ASTN2: variants seen among roughly 807,000 people sequenced by gnomAD.
ASTN2 encodes the protein astrotactin 2.
A neutral mutation model predicts 139.8 loss-of-function variants in ASTN2; 54 were observed. The ratio of observed to expected loss-of-function variants is 0.39; its 90% CI spans 0.31 to 0.48. ASTN2 has a LOEUF of 0.48. ASTN2 is among the 20% of genes least tolerant of loss of function. The probability of loss-of-function intolerance (pLI) is 0.95; values close to 1 mark genes in which losing one functional copy is unlikely to be tolerated. For missense variants in ASTN2, 1,565 were observed against 1,725.1 expected, an observed-to-expected ratio of 0.91 and a Z score of 1.64; for synonymous variants, 756 against 719.5, an observed-to-expected ratio of 1.05 and a Z score of -0.81.
chr9:116,481,161 G>T (rs535343644), intron 20 of ASTN2, among the ~76,000 whole-genome samples: 1 of 152,256 alleles, frequency 6.6e-6, no homozygotes, highest in South Asian at 2.1e-4. Context: ...GCTGAGGCAG[G>T]TAAATGGCTT....
chr9:116,506,667 G>A (rs1203071355), intron 19 of ASTN2, among the ~76,000 whole-genome samples: 2 of 152,156 alleles, frequency 1.3e-5, no homozygotes, highest in Non-Finnish European at 2.9e-5. Context: ...GGGGATTGCT[G>A]TAGCCATCTC....
chr9:116,750,047 A>C (rs1829355409), intron 13 of ASTN2, among the ~76,000 whole-genome samples: 1 of 152,184 alleles, frequency 6.6e-6, no homozygotes, highest in Admixed American at 6.5e-5. Context: ...AGTCTAACAC[A>C]CTAACTGTGT....
At chr9:117,290,791 A>G (rs1377300328) in intron 2 of ASTN2, among the ~76,000 whole-genome samples, 1 of 152,198 alleles carries the variant, frequency 6.6e-6, no homozygotes, top group Non-Finnish European at 1.5e-5. Flanking sequence ...CACAGTATTC[A>G]CAACTATAAA....
chr9:116,768,140 C>G (rs144787639), intron 13 of ASTN2, among the ~76,000 whole-genome samples: 1 of 152,206 alleles, frequency 6.6e-6, no homozygotes, highest in Non-Finnish European at 1.5e-5. Context: ...ATCCAATGCT[C>G]TCTCTCCACT....
At chr9:116,882,751 C>T (rs1294160724) in intron 10 of ASTN2, among the ~76,000 whole-genome samples, 1 of 151,902 alleles carries the variant, frequency 6.6e-6, no homozygotes, top group Non-Finnish European at 1.5e-5. Flanking sequence ...TGCTTAAGCC[C>T]AGGAGTTCAA....
chr9:117,336,503 T>C (rs887185642), intron 1 of ASTN2, among the ~76,000 whole-genome samples: 1 of 152,120 alleles, frequency 6.6e-6, no homozygotes, highest in Admixed American at 6.6e-5. Context: ...CCATCTCCTA[T>C]CTGCAGGAGG....
intron 13 of ASTN2, among the ~76,000 whole-genome samples, chr9:116,787,636 A>C (rs543751979): frequency 2.0e-5 from 3 of 152,296 alleles, no homozygotes; most frequent in African/African-American, 7.2e-5. Context: ...CCAGCAATTA[A>C]AAACCCTCCT....
chr9:116,873,669 T>A (rs553991559), intron 10 of ASTN2, among the ~76,000 whole-genome samples: 1 of 152,326 alleles, frequency 6.6e-6, no homozygotes, highest in East Asian at 1.9e-4. Flanking sequence ...CCAAATGTCA[T>A]GTTGAATTGT....
At chr9:117,308,094 A>T (rs761367375) in intron 1 of ASTN2, among the ~76,000 whole-genome samples, 17 of 152,220 alleles carry the variant, frequency 1.1e-4, no homozygotes, top group Non-Finnish European at 1.8e-4. Flanking sequence ...TGGCAGAAAA[A>T]GGTCCTCTGA....
At chr9:116,519,889 T>A (rs1850797446) in intron 19 of ASTN2, among the ~76,000 whole-genome samples, 1 of 151,994 alleles carries the variant, frequency 6.6e-6, no homozygotes, top group Non-Finnish European at 1.5e-5. Context: ...TTTATGCACA[T>A]AAACTAGAAA....
chr9:116,686,928 C>T (rs1444721534), intron 16 of ASTN2: 3 of 1,494,976 alleles, frequency 2.0e-6, no homozygotes, highest in African/African-American at 2.8e-5. Context: ...TTTCCGTTGG[C>T]CCATTTCTCA....
chr9:116,719,908 C>T (rs908900713), intron 16 of ASTN2, among the ~76,000 whole-genome samples: 15 of 152,048 alleles, frequency 9.9e-5, no homozygotes, highest in Non-Finnish European at 2.2e-4. Flanking sequence ...AGATGGAACC[C>T]GAAAACTGTC....
chr9:117,230,359 C>T (rs1165657377), intron 2 of ASTN2, among the ~76,000 whole-genome samples: 2 of 152,210 alleles, frequency 1.3e-5, no homozygotes, highest in East Asian at 1.9e-4. Flanking sequence ...CTGGAATTAA[C>T]CTGTGGCAGC....
chr9:117,189,658 A>T lies in ASTN2; in HGVS notation c.1015+24700T>A, dbSNP rs1008129008. ...AAGTAATCCCATTTTAGAGGTGAGG[A>T]GGTTGAATCTCAAAAGTATTAGTAA... On this transcript the variant is annotated intron_variant, in intron 3 of 22. Coordinates refer to ENST00000313400, the MANE Select transcript of ASTN2 (RefSeq NM_001365068.1). Among the ~76,000 whole-genome samples, 3 of 152,274 alleles carry T rather than the reference A, an allele frequency of 2.0e-5. No homozygotes were observed. The East Asian group carries it at 5.8e-4, about 29-fold the overall frequency.
At chr9:117,045,542 T>C (rs1838708957) in intron 5 of ASTN2, among the ~76,000 whole-genome samples, 1 of 152,160 alleles carries the variant, frequency 6.6e-6, no homozygotes. Flanking sequence ...GAGAATGGCA[T>C]AAAATGCATT....
intron 11 of ASTN2, among the ~76,000 whole-genome samples, chr9:116,838,885 G>C (rs140765858): frequency 0.012 from 1,804 of 152,232 alleles, 15 homozygotes; most frequent in Non-Finnish European, 0.017. Flanking sequence ...TGTAGAAAGG[G>C]GAAAATTAGC....
chr9:116,427,904 A>G (rs1847360173), intron 22 of ASTN2, among the ~76,000 whole-genome samples: 1 of 152,212 alleles, frequency 6.6e-6, no homozygotes, highest in Non-Finnish European at 1.5e-5. Flanking sequence ...TCATTCTTTA[A>G]TAATTCTGTG....
chr9:116,678,588 T>C (rs1859644573), intron 16 of ASTN2, among the ~76,000 whole-genome samples: 1 of 152,186 alleles, frequency 6.6e-6, no homozygotes, highest in Non-Finnish European at 1.5e-5. Context: ...ACAAGTGTAA[T>C]GGAACAAAAC....
chr9:117,145,685 T>A (rs1830178378), intron 3 of ASTN2, among the ~76,000 whole-genome samples: 1 of 152,140 alleles, frequency 6.6e-6, no homozygotes, highest in African/African-American at 2.4e-5. Flanking sequence ...ACCTTGAAAT[T>A]CCTATGTTGA....
Sources: allele counts gnomAD v4.1 joint callset (sites outside exome capture counted in the v4.1 genomes callset), GRCh38; gene constraint gnomAD v4.1.1; transcripts MANE v1.5; gene names NCBI Gene and HGNC (gene_info 2026-07-23, HGNC 2026-07-21).